Variants in C1QTNF1 observed in about 807,000 individuals in gnomAD.
C1QTNF1 encodes the protein C1q and TNF related 1, also known as complement C1q tumor necrosis factor-related protein 1.
C1QTNF1 carries 22 observed loss-of-function variants against 27.8 expected under a neutral mutation model. The observed-to-expected ratio is 0.79, with a 90% confidence interval of 0.56 to 1.13. The LOEUF (loss-of-function observed/expected upper bound fraction) is 1.13, where lower values mean the gene tolerates loss of function less well. Among genes scored for constraint, C1QTNF1 ranks in the 50% most tolerant of loss-of-function variants. C1QTNF1 has a pLI of 0.00. For synonymous variants in C1QTNF1, 166 were observed against 154.3 expected (o/e 1.08, Z -0.56); for missense variants, 373 against 380.2 (o/e 0.98, Z 0.16).
chr17:79,040,606 A>G (rs2072378504), intron 1 of C1QTNF1, among the ~76,000 whole-genome samples: 1 of 151,684 alleles, frequency 6.6e-6, no homozygotes, highest in African/African-American at 2.4e-5. Flanking sequence ...CTCAAAAATC[A>G]GTCTTGGCCC....
rs770223970 is a variant in C1QTNF1, at chr17:79,043,988, G to T, written c.20G>T (p.Gly7Val). 1.2e-6 allele frequency: 2 copies of T among 1,614,156 alleles called. No homozygotes were observed. The highest frequency in any genetic ancestry group is 1.7e-6 in the Non-Finnish European group (2 of 1,180,020). The change falls in exon 2 of 4, where the codon GGA (glycine) becomes GTA (valine). Residue 7 changes from glycine (G) to valine (V), a missense_variant. Transcript: ENST00000579760. ...AGGAAGATGGGCTCCCGTGGACAGG[G>T]ACTCTTGCTGGCGTACTGCCTGCTC... MGSRGQGLLLAYCLLLA... is the reference protein window; with the variant it reads MGSRGQVLLLAYCLLLA...
chr17:79,028,512 A>G (rs1468131214), intron 1 of C1QTNF1, among the ~76,000 whole-genome samples: 1 of 152,174 alleles, frequency 6.6e-6, no homozygotes, highest in African/African-American at 2.4e-5. Flanking sequence ...TCTCCTTGTA[A>G]AGAATCTAAA....
intron 2 of C1QTNF1, among the ~76,000 whole-genome samples, chr17:79,044,860 T>G (rs1320379685): frequency 1.3e-5 from 2 of 152,212 alleles, no homozygotes; most frequent in Non-Finnish European, 2.9e-5. Flanking sequence ...AACTTCAGTG[T>G]ACGATGGGAT....
Position 79,047,539 on chromosome 17 carries a change from G to C in C1QTNF1, c.297G>C (p.Gly99=). The C allele has an allele frequency of 6.6e-7, 1 of 1,524,728 alleles. No homozygotes were observed. 94.4% of individuals were successfully genotyped at this position (1,524,728 alleles called of 1,614,324 possible). The change falls in exon 4 of 4, where the codon GGG becomes GGC. Residue 99 remains glycine (G), a splice_region_variant and synonymous_variant. Transcript: ENST00000579760. ...CACGCGTTTTCCCATCCCTTTTAGG[G>C]GAGAAGGGTGACCGCGGAGATCGAG... The part of the protein sequence containing the change: ...VPQINITILK[G]EKGDRGDRGL...
At position 79,044,088 on chromosome 17, in the gene C1QTNF1, T is replaced by C. The variant is rs2072501425; in HGVS notation, c.120T>C (p.Thr40=). Reference sequence around the variant, plus strand: ...GGGAACAGCAGGAGTGGGAGGGGACTGAGGAGCTGCCGTCGCCTCCGGACC... The same window carrying C: ...GGGAACAGCAGGAGTGGGAGGGGACCGAGGAGCTGCCGTCGCCTCCGGACC... ...VQGEQQEWEG[T]EELPSPPDHA... Residue 40 remains threonine (T), a synonymous_variant, in exon 2 of 4, where the codon ACT becomes ACC. Transcript: ENST00000579760. The C allele has an allele frequency of 6.2e-7, 1 of 1,613,644 alleles. No homozygotes were observed. Among genetic ancestry groups the C allele is most frequent in the Non-Finnish European group, 8.5e-7 (1 of 1,179,816 alleles).
At chr17:79,025,065 T>C (rs534325171) in intron 1 of C1QTNF1, 6 of 152,316 alleles carry the variant, frequency 3.9e-5, no homozygotes, top group African/African-American at 1.2e-4. Context: ...GGGTCCAGCT[T>C]GGGCAGGAAA....
chr17:79,045,375 C>G (rs530248618), intron 2 of C1QTNF1, among the ~76,000 whole-genome samples: 7 of 152,140 alleles, frequency 4.6e-5, no homozygotes, highest in African/African-American at 1.7e-4. Context: ...TGAACTCAAT[C>G]CTACAAAGAA....
intron 1 of C1QTNF1, chr17:79,027,382 A>G (rs2071997514): frequency 1.3e-5 from 2 of 152,292 alleles, no homozygotes; most frequent in South Asian, 4.1e-4. Context: ...TCACCTGCCC[A>G]CTTTAGAGAG....
At chr17:79,043,233 C>T (rs376900327) in intron 1 of C1QTNF1, 15 of 449,452 alleles carry the variant, frequency 3.3e-5, no homozygotes, top group Middle Eastern at 7.1e-4. Context: ...AATCTGTGTG[C>T]ATGTGATATG....
intron 1 of C1QTNF1, among the ~76,000 whole-genome samples, chr17:79,029,087 C>T (rs1332868560): frequency 2.0e-5 from 3 of 152,182 alleles, no homozygotes; most frequent in Admixed American, 2.0e-4. Context: ...ATGTAGTGGG[C>T]ACTCGGTAAT....
At chr17:79,037,954 G>C (rs775369928) in intron 1 of C1QTNF1, among the ~76,000 whole-genome samples, 1 of 151,732 alleles carries the variant, frequency 6.6e-6, no homozygotes, top group African/African-American at 2.4e-5. Context: ...TGACAGGTGT[G>C]AGCCACCACA....
rs745582088 is a variant in C1QTNF1 at position 79,043,977 on chromosome 17, C to T, written c.9C>T (p.Ser3=). MG[S]RGQGLLLAYC... ...CAGGGCCCGGCAGGAAGATGGGCTC[C>T]CGTGGACAGGGACTCTTGCTGGCGT... Residue 3 remains serine (S), a synonymous_variant, in exon 2 of 4, where the codon TCC becomes TCT. Transcript: ENST00000579760. 1.2e-6 allele frequency: 2 copies of T among 1,614,114 alleles called. No individual in the cohort carries two copies. Among genetic ancestry groups the T allele is most frequent in the Admixed American group, 3.3e-5 (2 of 60,034 alleles).
intron 1 of C1QTNF1, among the ~76,000 whole-genome samples, chr17:79,029,675 CA>C (rs2072074679): frequency 6.6e-6 from 1 of 152,190 alleles, no homozygotes; most frequent in Admixed American, 6.5e-5. Context: ...TTCACGGCTG[CA>C]GGCCACCGGC....
chr17:79,023,627 A>C (rs538267806), upstream of C1QTNF1, among the ~76,000 whole-genome samples: 1 of 152,172 alleles, frequency 6.6e-6, no homozygotes, highest in East Asian at 1.9e-4. Context: ...GCTCCTTCCT[A>C]ACCTTTAGAT....
In C1QTNF1 at chr17:79,039,303, C is replaced by T. The variant is rs1483696990; in HGVS notation, c.-14-4652C>T. Among the ~76,000 whole-genome samples, 4 of 152,188 alleles carry T rather than the reference C, an allele frequency of 2.6e-5. No homozygotes were observed. The South Asian group carries it at 8.3e-4, about 32-fold the overall frequency. On this transcript the variant is annotated intron_variant, in intron 1 of 3. Transcript: ENST00000579760. ...TCCAGGGTTACTGCTAAGCATCCTA[C>T]AGCACACAGGCTAGCCCCCCACCAC... is the stretch of plus-strand genomic sequence containing the variant.
chr17:79,044,090 A>G lies in C1QTNF1; in HGVS notation c.122A>G (p.Glu41Gly). The G allele has an allele frequency of 6.2e-7, 1 of 1,613,618 alleles. No homozygotes were observed. The highest frequency in any genetic ancestry group is 2.2e-5 in the East Asian group (1 of 44,868). The change falls in exon 2 of 4, where the codon GAG becomes GGG. Residue 41 changes from glutamate (E) to glycine (G), a missense_variant. Glu to Gly is a moderately conservative substitution (Grantham distance 98, BLOSUM62 -2). Transcript: ENST00000579760. ...GAACAGCAGGAGTGGGAGGGGACTGAGGAGCTGCCGTCGCCTCCGGACCAT... is the reference window on the plus strand; with the variant it reads ...GAACAGCAGGAGTGGGAGGGGACTGGGGAGCTGCCGTCGCCTCCGGACCAT... Reference protein sequence around the residue: ...QGEQQEWEGTEELPSPPDHAE... With the variant: ...QGEQQEWEGTGELPSPPDHAE...
intron 1 of C1QTNF1, among the ~76,000 whole-genome samples, chr17:79,039,785 G>GTA (rs769441526): frequency 6.6e-6 from 1 of 150,500 alleles, no homozygotes; most frequent in African/African-American, 2.5e-5. Flanking sequence ...AAATAAATAT[G>GTA]TGTGTGTGTG....
At position 79,047,562 on chromosome 17, in the gene C1QTNF1, G is replaced by C; in HGVS notation, c.320G>C (p.Arg107Pro). ...LKGEKGDRGDRGLQGKYGKTG... is the reference protein window; with the variant it reads ...LKGEKGDRGDPGLQGKYGKTG... ...GGGGAGAAGGGTGACCGCGGAGATC[G>C]AGGCCTCCAAGGGAAATATGGCAAA... Residue 107 changes from arginine to proline, a missense_variant, in exon 4 of 4, where the codon CGA (arginine) becomes CCA (proline). Coordinates refer to ENST00000579760, the MANE Select transcript of C1QTNF1 (RefSeq NM_030968.5). The C allele has an allele frequency of 2.6e-6, 4 of 1,528,684 alleles. No homozygotes were observed. The South Asian group carries it at 5.2e-5, about 20-fold the overall frequency. 94.7% of individuals were successfully genotyped at this position (1,528,684 alleles called of 1,614,324 possible). A position where few individuals can be genotyped will look rare whatever the true frequency, so the allele number is the denominator to read the frequency against.
intron 1 of C1QTNF1, among the ~76,000 whole-genome samples, chr17:79,033,302 C>T (rs899861167): frequency 1.3e-5 from 2 of 152,080 alleles, no homozygotes; most frequent in Non-Finnish European, 2.9e-5. Context: ...CTCCATGTGG[C>T]TCGTAGCCAC....
Sources: gnomAD v4.1 joint callset for allele counts (sites outside exome capture counted in the v4.1 genomes callset) on GRCh38, gnomAD v4.1.1 for gene constraint, MANE v1.5 for transcripts, NCBI Gene and HGNC (gene_info 2026-07-23, HGNC 2026-07-21) for gene names.